The following ZBTB44 variants were observed in gnomAD, a reference collection of about 807,000 sequenced individuals.
ZBTB44 encodes zinc finger and BTB domain-containing protein 44.
A neutral mutation model predicts 54.0 loss-of-function variants in ZBTB44; 15 were observed. The observed-to-expected ratio is 0.28, with a 90% confidence interval of 0.19 to 0.43. ZBTB44 has a LOEUF of 0.43. Ranked by LOEUF, ZBTB44 falls within the 20% of genes least tolerant of loss-of-function variation. The probability of loss-of-function intolerance (pLI) is 1.00; values close to 1 mark genes in which losing one functional copy is unlikely to be tolerated. For synonymous variants in ZBTB44, 230 were observed against 250.1 expected, an observed-to-expected ratio of 0.92 and a Z score of 0.76; for missense variants, 487 against 707.1, an observed-to-expected ratio of 0.69 and a Z score of 3.53.
Position 130,239,498 on chromosome 11 carries a change from G to A in ZBTB44, c.1103+314C>T, listed in dbSNP as rs147395564. 1,524 of 260,184 alleles carry A rather than the reference G, an allele frequency of 5.9e-3. 12 individuals are homozygous for A. Among genetic ancestry groups the A allele is most frequent in the African/African-American group, 0.018 (817 of 44,540 alleles). The allele number at this position is 260,184 out of a possible 1,614,324, so 16.1% of individuals were successfully genotyped here. On this transcript the variant is annotated intron_variant, in intron 3 of 7. Transcript: ENST00000357899. ...AAACAATATGTCAGCAAATGAGCCT[G>A]GTTGTGTTCCAGTAATACTTGATTT...
chr11:130,292,227 G>T (rs1418299135), intron 1 of ZBTB44, among the ~76,000 whole-genome samples: 2 of 152,158 alleles, frequency 1.3e-5, no homozygotes, highest in Non-Finnish European at 2.9e-5. Flanking sequence ...ATGCACATTT[G>T]TGTACAAGAT....
chr11:130,280,079 C>T (rs1370485193), intron 1 of ZBTB44, among the ~76,000 whole-genome samples: 4 of 152,184 alleles, frequency 2.6e-5, no homozygotes, highest in Non-Finnish European at 4.4e-5. Context: ...GCCAGCGCAA[C>T]GGCAATTTTT....
intron 1 of ZBTB44, among the ~76,000 whole-genome samples, chr11:130,268,144 A>G (rs1939395728): frequency 6.7e-6 from 1 of 150,260 alleles, no homozygotes; most frequent in South Asian, 2.2e-4. Flanking sequence ...CTGTAATCCC[A>G]GCACTTTGGG....
intron 1 of ZBTB44, among the ~76,000 whole-genome samples, chr11:130,312,505 A>T (rs535323866): frequency 1.5e-3 from 229 of 152,358 alleles, no homozygotes; most frequent in African/African-American, 5.1e-3. Context: ...CTTCCAGTTA[A>T]TAGGAAATTC....
intron 1 of ZBTB44, among the ~76,000 whole-genome samples, chr11:130,304,095 A>G (rs1215859282): frequency 6.6e-6 from 1 of 152,244 alleles, no homozygotes; most frequent in Non-Finnish European, 1.5e-5. Flanking sequence ...GCACACATAC[A>G]ATCATTATTT....
At chr11:130,268,238 C>CG (rs998354119) in intron 1 of ZBTB44, among the ~76,000 whole-genome samples, 4 of 137,136 alleles carry the variant, frequency 2.9e-5, no homozygotes, top group African/African-American at 9.6e-5. Context: ...AAAAAAAAAG[C>CG]GGGGGGTGGA....
chr11:130,314,128 G>C (rs1942797741), intron 1 of ZBTB44, among the ~76,000 whole-genome samples: 2 of 152,280 alleles, frequency 1.3e-5, no homozygotes, highest in East Asian at 3.9e-4. Context: ...GGCGTGCAAA[G>C]GACGGGCAGC....
chr11:130,300,970 C>T (rs893246441), intron 1 of ZBTB44, among the ~76,000 whole-genome samples: 30 of 151,422 alleles, frequency 2.0e-4, no homozygotes, highest in Admixed American at 1.4e-3. Flanking sequence ...ATGTTTTTTT[C>T]CCTTGTTACT....
intron 1 of ZBTB44, among the ~76,000 whole-genome samples, chr11:130,292,446 G>A (rs1389098746): frequency 1.3e-5 from 2 of 152,022 alleles, no homozygotes; most frequent in African/African-American, 4.8e-5. Context: ...AAAAGGCTGA[G>A]CCTTGTCTAT....
chr11:130,298,843 AC>A (rs1941827969), intron 1 of ZBTB44, among the ~76,000 whole-genome samples: 1 of 151,820 alleles, frequency 6.6e-6, no homozygotes, highest in Non-Finnish European at 1.5e-5. Flanking sequence ...ACACACACAC[AC>A]ACACACACAC....
intron 1 of ZBTB44, among the ~76,000 whole-genome samples, chr11:130,308,818 T>C (rs1055461331): frequency 2.0e-5 from 3 of 152,174 alleles, no homozygotes; most frequent in Admixed American, 6.5e-5. Flanking sequence ...TTCTCCATCT[T>C]CCCACTCCAC....
intron 1 of ZBTB44, among the ~76,000 whole-genome samples, chr11:130,307,738 T>C (rs1942358746): frequency 6.6e-6 from 1 of 152,152 alleles, no homozygotes; most frequent in Admixed American, 6.5e-5. Context: ...GGCTCACTGC[T>C]GGAGGAATCA....
intron 2 of ZBTB44, among the ~76,000 whole-genome samples, chr11:130,252,481 C>T (rs1257816422): frequency 6.6e-6 from 1 of 152,214 alleles, no homozygotes; most frequent in Non-Finnish European, 1.5e-5. Flanking sequence ...ACATTCTTCT[C>T]AGCACCGCAT....
In ZBTB44 at chr11:130,243,208, A is replaced by G. The variant is rs183698020; in HGVS notation, c.1019-3312T>C. Among the ~76,000 whole-genome samples the G allele has an allele frequency of 3.1e-3, 471 of 152,288 alleles. 4 individuals carry two copies. Among genetic ancestry groups the G allele is most frequent in the Admixed American group, 5.2e-3 (80 of 15,308 alleles). The stretch of plus-strand genomic sequence containing the variant: ...AACTACGCCAAGTGGCAATGCCAAT[A>G]TATTTCTGCTGCATTTAAAAAACAC... On this transcript the variant is annotated intron_variant, in intron 2 of 7. Coordinates refer to ENST00000357899, the MANE Select transcript of ZBTB44 (RefSeq NM_001301098.2).
At chr11:130,246,580 T>C (rs569130548) in intron 2 of ZBTB44, among the ~76,000 whole-genome samples, 110 of 152,370 alleles carry the variant, frequency 7.2e-4, no homozygotes, top group Non-Finnish European at 1.3e-3. Context: ...CTCAAGTTGC[T>C]GCTGCCACTG....
chr11:130,238,581 T>C lies in ZBTB44; in HGVS notation c.1130A>G (p.Gln377Arg). ...GCTGGTGGAAGGAGCAATGTAGAGTTGGTAGGGATACTGAACATTTTCCAA... is the reference window on the plus strand; with the variant it reads ...GCTGGTGGAAGGAGCAATGTAGAGTCGGTAGGGATACTGAACATTTTCCAA... The part of the protein sequence containing the change: ...DRLENVQYPY[Q>R]LYIAPSTSST... Residue 377 changes from glutamine (Q) to arginine (R), a missense_variant, in exon 4 of 8, where the codon CAA (glutamine) becomes CGA (arginine). Gln to Arg is a conservative substitution (Grantham distance 43). Coordinates refer to ENST00000357899, the MANE Select transcript of ZBTB44 (RefSeq NM_001301098.2). The C allele has an allele frequency of 6.2e-7, 1 of 1,612,524 alleles. No homozygotes were observed. The highest frequency in any genetic ancestry group is 8.5e-7 in the Non-Finnish European group (1 of 1,179,450).
intron 1 of ZBTB44, chr11:130,296,866 A>T: frequency 1.4e-6 from 1 of 735,628 alleles, no homozygotes; most frequent in South Asian, 1.4e-5. Flanking sequence ...AATTTGCCTC[A>T]AGTTGCTCTG....
At chr11:130,278,051 C>T (rs1471092060) in intron 1 of ZBTB44, among the ~76,000 whole-genome samples, 1 of 152,048 alleles carries the variant, frequency 6.6e-6, no homozygotes, top group Non-Finnish European at 1.5e-5. Flanking sequence ...AAACTTTTAG[C>T]GTTTTTACTG....
chr11:130,296,749 T>C (rs1310914476), intron 1 of ZBTB44: 4 of 859,308 alleles, frequency 4.7e-6, no homozygotes, highest in Non-Finnish European at 8.0e-6. Context: ...GAGAAATTGA[T>C]TGAAAAGAAC....
Sources: gnomAD v4.1 joint callset for allele counts (sites outside exome capture counted in the v4.1 genomes callset) on GRCh38, gnomAD v4.1.1 for gene constraint, MANE v1.5 for transcripts, NCBI Gene and HGNC (gene_info 2026-07-23, HGNC 2026-07-21) for gene names.